Variants in GHR observed in about 807,000 individuals in gnomAD.
The protein encoded by GHR is growth hormone receptor.
GHR carries 35 observed loss-of-function variants against 67.1 expected under a neutral mutation model. The observed-to-expected ratio is 0.52, with a 90% CI of 0.40 to 0.69. The LOEUF (loss-of-function observed/expected upper bound fraction) is 0.69, where lower values mean the gene tolerates loss of function less well. Ranked by LOEUF, GHR falls within the 30% of genes least tolerant of loss-of-function variation. The pLI is 0.00. For synonymous variants in GHR, 272 were observed against 269.1 expected (o/e 1.01, Z -0.10); for missense variants, 792 against 764.6 (o/e 1.04, Z -0.42).
chr5:42,588,148 T>A lies in GHR; in HGVS notation c.70+22204T>A, dbSNP rs182886631. Among the ~76,000 whole-genome samples, 4 of 152,274 alleles carry A rather than the reference T, an allele frequency of 2.6e-5. No homozygotes were observed. In the East Asian group the frequency reaches 7.7e-4, roughly 29 times the overall value. ...TTAAGTCAGATCATACTGATGCAGA[T>A]TCTGCAGATGTTAAGAGGCTTCCAT... On this transcript the variant is annotated intron_variant, in intron 2 of 9. Coordinates refer to ENST00000230882, the MANE Select transcript of GHR (RefSeq NM_000163.5).
At chr5:42,468,528 CT>C in intron 1 of GHR, 1 of 804,760 alleles carries the variant, frequency 1.2e-6, no homozygotes, top group Non-Finnish European at 2.0e-6. Context: ...TCAGCTCCTA[CT>C]GGCACGAGAA....
intron 1 of GHR, among the ~76,000 whole-genome samples, chr5:42,485,954 C>T (rs1358950080): frequency 6.6e-6 from 1 of 152,180 alleles, no homozygotes; most frequent in Non-Finnish European, 1.5e-5. Flanking sequence ...ATCTGTTTAC[C>T]TGCTCTGAGA....
Position 42,713,278 on chromosome 5 carries a change from G to A in GHR, c.785-151G>A, listed in dbSNP as rs567182385. ...TCATAAAACAGAAAAAAACTAAGTC[G>A]TTGCATTCTGTTTCAGTGGTTATCA... On this transcript the variant is annotated intron_variant, in intron 7 of 9. Coordinates refer to ENST00000230882, the MANE Select transcript of GHR (RefSeq NM_000163.5). 1.8e-3 allele frequency: 1,064 copies of A among 596,376 alleles called. 2 individuals carry two copies. Among genetic ancestry groups the A allele is most frequent in the Non-Finnish European group, 2.7e-3 (889 of 330,636 alleles). The allele number at this position is 596,376 out of a possible 1,614,324, so 36.9% of individuals were successfully genotyped here.
chr5:42,581,823 T>C (rs1309884595), intron 2 of GHR, among the ~76,000 whole-genome samples: 1 of 152,114 alleles, frequency 6.6e-6, no homozygotes, highest in African/African-American at 2.4e-5. Context: ...CAGTTGCAGC[T>C]GCCCATCTGT....
intron 1 of GHR, among the ~76,000 whole-genome samples, chr5:42,474,286 A>AG (rs1745157769): frequency 6.5e-5 from 2 of 30,964 alleles, no homozygotes; most frequent in African/African-American, 3.1e-4. Flanking sequence ...AAAGAAAGAA[A>AG]AAGAGAAAGA....
chr5:42,427,399 A>C (rs1742899888), intron 1 of GHR, among the ~76,000 whole-genome samples: 1 of 152,234 alleles, frequency 6.6e-6, no homozygotes. Context: ...TTATAGAACC[A>C]TCAGATCTCA....
At chr5:42,426,304 C>G (rs1742851654) in intron 1 of GHR, among the ~76,000 whole-genome samples, 1 of 152,166 alleles carries the variant, frequency 6.6e-6, no homozygotes, top group Non-Finnish European at 1.5e-5. Flanking sequence ...ACTTGGCTAG[C>G]CTTCTTTGGC....
intron 1 of GHR, chr5:42,468,484 T>C: frequency 2.5e-6 from 2 of 792,982 alleles, no homozygotes; most frequent in East Asian, 2.5e-5. Flanking sequence ...CAGAGTTCAC[T>C]GGCTCTGCAG....
intron 4 of GHR, among the ~76,000 whole-genome samples, chr5:42,691,319 T>C (rs1382525116): frequency 6.6e-6 from 1 of 152,230 alleles, no homozygotes; most frequent in Non-Finnish European, 1.5e-5. Context: ...GTTTTTTCTA[T>C]AAAATATAAC....
At chr5:42,634,052 A>G (rs1313182823) in intron 3 of GHR, among the ~76,000 whole-genome samples, 1 of 152,042 alleles carries the variant, frequency 6.6e-6, no homozygotes, top group Non-Finnish European at 1.5e-5. Flanking sequence ...CAGCCTCTGG[A>G]GTAAGCTTTA....
chr5:42,506,644 C>G (rs1044204833), intron 1 of GHR, among the ~76,000 whole-genome samples: 2 of 151,942 alleles, frequency 1.3e-5, no homozygotes, highest in African/African-American at 4.8e-5. Context: ...GGCTATGTAC[C>G]CAGTACATGA....
chr5:42,439,964 G>A (rs1281757898), intron 1 of GHR, among the ~76,000 whole-genome samples: 1 of 152,160 alleles, frequency 6.6e-6, no homozygotes, highest in Non-Finnish European at 1.5e-5. Context: ...GGACTGTATA[G>A]TATATGCCTG....
intron 1 of GHR, among the ~76,000 whole-genome samples, chr5:42,505,839 G>T (rs965725463): frequency 1.3e-5 from 2 of 151,978 alleles, no homozygotes; most frequent in Non-Finnish European, 2.9e-5. Context: ...AGAAGGTCTG[G>T]GTTATAATCT....
At chr5:42,656,470 T>G (rs1755261465) in intron 3 of GHR, among the ~76,000 whole-genome samples, 2 of 152,146 alleles carry the variant, frequency 1.3e-5, no homozygotes, top group Non-Finnish European at 1.5e-5. Context: ...TGAATCCTGA[T>G]GTCGTATCTT....
At chr5:42,468,114 G>C (rs1744817282) in intron 1 of GHR, 1 of 1,176,244 alleles carries the variant, frequency 8.5e-7, no homozygotes, top group Non-Finnish European at 1.2e-6. Context: ...AGTAACTGAA[G>C]GTTCTTGGTT....
At chr5:42,512,124 A>C (rs146010518) in intron 1 of GHR, among the ~76,000 whole-genome samples, 2 of 152,256 alleles carry the variant, frequency 1.3e-5, no homozygotes, top group Non-Finnish European at 2.9e-5. Flanking sequence ...CTCCACAGTG[A>C]TGGCCACAGT....
At position 42,648,133 on chromosome 5, in the gene GHR, A is replaced by G. The variant is rs1289359627; in HGVS notation, c.136+19030A>G. Among the ~76,000 whole-genome samples, 5 of 152,130 alleles carry G rather than the reference A, an allele frequency of 3.3e-5. 1 individual carries two copies. Among genetic ancestry groups the G allele is most frequent in the African/African-American group, 1.2e-4 (5 of 41,426 alleles). ...CTGCTCCACCACTTAAAAGCCATGT[A>G]CCTCTTGAAGCCTGTTTCCTTTATT... is the stretch of plus-strand genomic sequence containing the variant. On this transcript the variant is annotated intron_variant, in intron 3 of 9. Transcript: ENST00000230882.
intron 1 of GHR, among the ~76,000 whole-genome samples, chr5:42,476,267 C>T (rs1357065306): frequency 6.6e-6 from 1 of 151,114 alleles, no homozygotes; most frequent in Non-Finnish European, 1.5e-5. Flanking sequence ...GTCGCCCAGG[C>T]TGGAGTGCAG....
At chr5:42,512,714 C>T (rs1306614441) in intron 1 of GHR, among the ~76,000 whole-genome samples, 1 of 152,146 alleles carries the variant, frequency 6.6e-6, no homozygotes, top group East Asian at 1.9e-4. Context: ...TAGGGCCCTA[C>T]ACTTGACTAT....
Sources: allele counts gnomAD v4.1 joint callset (sites outside exome capture counted in the v4.1 genomes callset), GRCh38; gene constraint gnomAD v4.1.1; transcripts MANE v1.5; gene names NCBI Gene and HGNC (gene_info 2026-07-23, HGNC 2026-07-21).